The following SLC18A1 variants were observed in gnomAD, a reference collection of about 807,000 sequenced individuals.
The protein encoded by SLC18A1 is solute carrier family 18 member A1.
Under a neutral mutation model 53.7 loss-of-function variants are expected in SLC18A1, and 69 were observed. The ratio of observed to expected loss-of-function variants is 1.28; its 90% CI spans 1.06 to 1.57. The LOEUF (loss-of-function observed/expected upper bound fraction) is 1.57, where lower values mean the gene tolerates loss of function less well. Among genes scored for constraint, SLC18A1 ranks in the 40% most tolerant of loss-of-function variants. SLC18A1 has a pLI of 0.00. For synonymous variants in SLC18A1, 320 were observed against 248.1 expected (o/e 1.29, Z -2.72); for missense variants, 932 against 668.1 (o/e 1.40, Z -4.35).
rs1489469454 is a variant in SLC18A1, at chr8:20,165,098, C to T, written c.868G>A (p.Gly290Arg). 2 of 1,613,974 alleles carry T rather than the reference C, an allele frequency of 1.2e-6. No homozygotes were observed. Among genetic ancestry groups the T allele is most frequent in the African/African-American group, 2.7e-5 (2 of 74,926 alleles). Residue 290 changes from glycine (G) to arginine (R), a missense_variant, in exon 9 of 16, where the codon GGG becomes AGG. Coordinates refer to ENST00000276373, the MANE Select transcript of SLC18A1 (RefSeq NM_003053.4). ...PSKVSPESAK[G>R]TPLFMLLKDP... Reference sequence around the variant, plus strand: ...TTGAGAAGCATAAAGAGGGGAGTCCCCTTGGCACTCTGAGAACATGGATAA... The same window carrying T: ...TTGAGAAGCATAAAGAGGGGAGTCCTCTTGGCACTCTGAGAACATGGATAA...
Position 20,171,560 on chromosome 8 carries a change from A to AT in SLC18A1, c.725-67dup, listed in dbSNP as rs2072118056. 4 of 1,281,806 alleles carry AT rather than the reference A, an allele frequency of 3.1e-6. No individual in the cohort carries two copies. In the Admixed American group the frequency reaches 6.7e-5, roughly 22 times the overall value. The allele number at this position is 1,281,806 out of a possible 1,614,324, so 79.4% of individuals were successfully genotyped here. On this transcript the variant is annotated intron_variant, in intron 6 of 15. Transcript: ENST00000276373. ...GAGTCCTTTGCAGTGAGAATTATCC[A>AT]TATTTACCCCGTGAGCATTTGCAGA...
chr8:20,162,906 A>C (rs1465012737), intron 10 of SLC18A1, among the ~76,000 whole-genome samples: 3 of 152,120 alleles, frequency 2.0e-5, no homozygotes, highest in Non-Finnish European at 4.4e-5. Context: ...AGCCTCTACC[A>C]ATTTTCCAGT....
At chr8:20,145,928 T>TC in intron 15 of SLC18A1, 52 bp from the exon 16 acceptor site, 1 of 1,150,492 alleles carries the variant, frequency 8.7e-7, no homozygotes, top group East Asian at 2.6e-5. Context: ...TCATTTTTTT[T>TC]TTTTTGAGAC....
At position 20,164,975 on chromosome 8, in the gene SLC18A1, T is replaced by C. The variant is rs17092126; in HGVS notation, c.920-11A>G. The C allele has an allele frequency of 6.4e-5, 103 of 1,613,816 alleles. No individual in the cohort carries two copies. In the African/African-American group the frequency reaches 1.3e-3, roughly 20 times the overall value. On this transcript the variant is annotated splice_polypyrimidine_tract_variant and intron_variant, in intron 9 of 15. Coordinates refer to ENST00000276373, the MANE Select transcript of SLC18A1 (RefSeq NM_003053.4). ...CAAAGCAGATGGACCCTGGGGAGAC[T>C]GTTCTGTGAGCAGCCGTGGCTGCTT...
chr8:20,158,327 C>T (rs1270724006), intron 10 of SLC18A1, among the ~76,000 whole-genome samples: 2 of 152,164 alleles, frequency 1.3e-5, no homozygotes, highest in East Asian at 3.9e-4. Flanking sequence ...TTTTCACATG[C>T]CTTTCTAATT....
chr8:20,166,287 G>GTGTGTATATATATATATATA (rs1235212014), intron 8 of SLC18A1, among the ~76,000 whole-genome samples: 2 of 78,996 alleles, frequency 2.5e-5, no homozygotes, highest in Non-Finnish European at 4.9e-5. Flanking sequence ...GTGTGTGTGT[G>GTGTGTATATATATATATATA]TCTATATATA....
chr8:20,147,597 A>G lies in SLC18A1; in HGVS notation c.1330+6T>C, dbSNP rs1384767733. On this transcript the variant is annotated splice_donor_region_variant and intron_variant, in intron 14 of 15. Transcript: ENST00000276373. ...GAAAGTGGGGCACCAGGTCCTGCCAACATACCTATAGCAAAGCCCATGCAA... is the reference window on the plus strand; with the variant it reads ...GAAAGTGGGGCACCAGGTCCTGCCAGCATACCTATAGCAAAGCCCATGCAA... 5 of 1,613,978 alleles carry G rather than the reference A, an allele frequency of 3.1e-6. No homozygotes were observed. In the African/African-American group the frequency reaches 5.3e-5, roughly 17 times the overall value.
chr8:20,147,342 G>T lies in SLC18A1; in HGVS notation c.1380C>A (p.Leu460=). ...AIVKAIGFPW[L]MVITGVINIV... Reference sequence around the variant, plus strand: ...TGTTGATGACCCCAGTGATGACCATGAGCCAGGGAAAACCGATGGCCTTTA... The same window carrying T: ...TGTTGATGACCCCAGTGATGACCATTAGCCAGGGAAAACCGATGGCCTTTA... The change falls in exon 15 of 16, where the codon CTC becomes CTA. Residue 460 remains leucine, a synonymous_variant. Transcript: ENST00000276373. The T allele has an allele frequency of 6.2e-7, 1 of 1,613,508 alleles. No individual in the cohort carries two copies. The highest frequency in any genetic ancestry group is 1.1e-5 in the South Asian group (1 of 91,010).
At position 20,181,050 on chromosome 8, in the gene SLC18A1, G is replaced by A; in HGVS notation, c.-86C>T. The A allele has an allele frequency of 6.8e-7, 1 of 1,473,002 alleles. No homozygotes were observed. The highest frequency in any genetic ancestry group is 9.1e-7 in the Non-Finnish European group (1 of 1,099,962). The allele number at this position is 1,473,002 out of a possible 1,614,324, so 91.2% of individuals were successfully genotyped here. On this transcript the variant is annotated 5_prime_UTR_variant, in exon 2 of 16. Transcript: ENST00000276373. ...CTACAGGTCTCCTGCAGCCTTTATG[G>A]AAGAGGGGAGGGAGTCTGCCCAGAC...
intron 12 of SLC18A1, among the ~76,000 whole-genome samples, chr8:20,148,725 C>T (rs2071470339): frequency 6.6e-6 from 1 of 152,110 alleles, no homozygotes; most frequent in African/African-American, 2.4e-5. Flanking sequence ...ACCTGCTACC[C>T]CAGGACACTC....
chr8:20,152,249 A>C (rs2071576048), intron 10 of SLC18A1, among the ~76,000 whole-genome samples: 2 of 152,250 alleles, frequency 1.3e-5, no homozygotes, highest in African/African-American at 2.4e-5. Context: ...TGAGAAAATG[A>C]AGGTCCTAGA....
At chr8:20,170,075 T>C (rs1320776359) in intron 8 of SLC18A1, among the ~76,000 whole-genome samples, 2 of 151,798 alleles carry the variant, frequency 1.3e-5, no homozygotes, top group Non-Finnish European at 2.9e-5. Context: ...GTGCAGAGGG[T>C]ATTTGGTGCT....
In SLC18A1 at chr8:20,148,029, A is replaced by C; in HGVS notation, c.1188T>G (p.Asn396Lys). Residue 396 changes from asparagine (N) to lysine (K), a missense_variant, in exon 13 of 16, where the codon AAT becomes AAG. Asn to Lys is a moderately conservative substitution (Grantham distance 94). Coordinates refer to ENST00000276373, the MANE Select transcript of SLC18A1 (RefSeq NM_003053.4). ...AHNIFGLIGP[N>K]AGLGLAIGMV... ...TACCTATGGCAAGGCCAAGCCCTGCATTGGGGCCAATGAGACCAAAAATAT... is the reference window on the plus strand; with the variant it reads ...TACCTATGGCAAGGCCAAGCCCTGCCTTGGGGCCAATGAGACCAAAAATAT... 3 of 1,614,150 alleles carry C rather than the reference A, an allele frequency of 1.9e-6. No individual in the cohort carries two copies. Among genetic ancestry groups the C allele is most frequent in the Non-Finnish European group, 2.5e-6 (3 of 1,180,014 alleles).
chr8:20,161,385 T>TA (rs1278727483), intron 10 of SLC18A1, among the ~76,000 whole-genome samples: 5 of 152,066 alleles, frequency 3.3e-5, no homozygotes, highest in Admixed American at 1.3e-4. Context: ...AAGATAAAAA[T>TA]AATACAAAAA....
intron 4 of SLC18A1, among the ~76,000 whole-genome samples, chr8:20,176,870 T>C (rs2072265229): frequency 6.6e-6 from 1 of 152,174 alleles, no homozygotes. Context: ...TGGCAGAGAA[T>C]CAGGCAAGGA....
chr8:20,156,319 A>T (rs865831879), intron 10 of SLC18A1, among the ~76,000 whole-genome samples: 5 of 99,642 alleles, frequency 5.0e-5, no homozygotes, highest in African/African-American at 2.1e-4. Flanking sequence ...CTAGTCTGTT[A>T]AAAAAAAAAA....
chr8:20,161,109 A>G (rs912056563), intron 10 of SLC18A1, among the ~76,000 whole-genome samples: 3 of 152,182 alleles, frequency 2.0e-5, no homozygotes, highest in Admixed American at 6.5e-5. Flanking sequence ...TCACAATGCA[A>G]AATGCATTCA....
At chr8:20,155,903 C>A (rs947225615) in intron 10 of SLC18A1, among the ~76,000 whole-genome samples, 1 of 152,218 alleles carries the variant, frequency 6.6e-6, no homozygotes. Flanking sequence ...CCGTTCCCCA[C>A]CACCCTTGCA....
At position 20,144,866 on chromosome 8, in the gene SLC18A1, A is replaced by G. The variant is rs73669726; in HGVS notation, c.*897T>C. ...TAGTTTACCAGGTCTGAATTAGGCAATAATGTATTTATTAGCAAGTATGAA... is the reference window on the plus strand; with the variant it reads ...TAGTTTACCAGGTCTGAATTAGGCAGTAATGTATTTATTAGCAAGTATGAA... On this transcript the variant is annotated 3_prime_UTR_variant, in exon 16 of 16. Coordinates refer to ENST00000276373, the MANE Select transcript of SLC18A1 (RefSeq NM_003053.4). The G allele has an allele frequency of 6.6e-6, 1 of 152,360 alleles. No homozygotes were observed. The highest frequency in any genetic ancestry group is 2.4e-5 in the African/African-American group (1 of 41,588). 9.4% of individuals were successfully genotyped at this position (152,360 alleles called of 1,614,324 possible).
Sources: gnomAD v4.1 joint callset for allele counts (sites outside exome capture counted in the v4.1 genomes callset) on GRCh38, gnomAD v4.1.1 for gene constraint, MANE v1.5 for transcripts, NCBI Gene and HGNC (gene_info 2026-07-23, HGNC 2026-07-21) for gene names.